SLC2A13: variants seen among roughly 807,000 people sequenced by gnomAD.
SLC2A13 encodes solute carrier family 2 member 13.
Under a neutral mutation model 64.4 loss-of-function variants are expected in SLC2A13, and 32 were observed. The ratio of observed to expected loss-of-function variants is 0.50; its 90% CI spans 0.37 to 0.67. The LOEUF is 0.67. Ranked by LOEUF, SLC2A13 falls within the 30% of genes least tolerant of loss-of-function variation. The pLI is 0.00. For missense variants in SLC2A13, 743 were observed against 829.2 expected, an observed-to-expected ratio of 0.90 and a Z score of 1.28; for synonymous variants, 338 against 327.1, an observed-to-expected ratio of 1.03 and a Z score of -0.36.
intron 7 of SLC2A13, among the ~76,000 whole-genome samples, chr12:39,789,383 C>T (rs1941299045): frequency 6.6e-6 from 1 of 152,022 alleles, no homozygotes; most frequent in African/African-American, 2.4e-5. Context: ...CCTTTAGCTA[C>T]AGTTTATTTT....
chr12:40,077,435 C>T (rs2101144), intron 1 of SLC2A13, among the ~76,000 whole-genome samples: 16,108 of 152,122 alleles, frequency 0.11, 951 homozygotes, highest in East Asian at 0.19. Flanking sequence ...TTGTTATTGT[C>T]GACTTTGTCA....
chr12:39,910,900 T>G (rs974545577), intron 4 of SLC2A13, among the ~76,000 whole-genome samples: 1 of 151,980 alleles, frequency 6.6e-6, no homozygotes, highest in Non-Finnish European at 1.5e-5. Context: ...CTGACCAATA[T>G]GGTGAAACCC....
At chr12:39,788,045 C>T (rs1176632225) in intron 7 of SLC2A13, among the ~76,000 whole-genome samples, 3 of 152,040 alleles carry the variant, frequency 2.0e-5, no homozygotes, top group Non-Finnish European at 2.9e-5. Context: ...ATAATACAAA[C>T]AATATTCTAT....
intron 6 of SLC2A13, among the ~76,000 whole-genome samples, chr12:39,851,390 A>C (rs1943464417): frequency 6.6e-6 from 1 of 152,244 alleles, no homozygotes; most frequent in Non-Finnish European, 1.5e-5. Context: ...AAGAATGAGA[A>C]TTAAAAAATG....
chr12:40,019,271 G>A (rs935762537), intron 3 of SLC2A13, among the ~76,000 whole-genome samples: 5 of 152,136 alleles, frequency 3.3e-5, no homozygotes, highest in African/African-American at 1.2e-4. Context: ...TTTTATAGTT[G>A]TTTGAATGCT....
intron 6 of SLC2A13, among the ~76,000 whole-genome samples, chr12:39,847,099 C>G (rs2135886286): frequency 6.6e-6 from 1 of 152,244 alleles, no homozygotes; most frequent in African/African-American, 2.4e-5. Flanking sequence ...TTCTTGTCAC[C>G]TGCAAAGTTG....
intron 7 of SLC2A13, among the ~76,000 whole-genome samples, chr12:39,795,373 T>C (rs770331410): frequency 1.1e-4 from 17 of 152,184 alleles, no homozygotes; most frequent in Non-Finnish European, 2.4e-4. Context: ...TTTATAATTA[T>C]AGTTATAAAT....
intron 1 of SLC2A13, among the ~76,000 whole-genome samples, chr12:40,069,290 A>T (rs534404379): frequency 3.9e-5 from 6 of 152,166 alleles, no homozygotes; most frequent in African/African-American, 1.4e-4. Context: ...TTCAAAAAAC[A>T]TGTATAGCTT....
chr12:39,763,882 C>T (rs1940252586), intron 9 of SLC2A13, among the ~76,000 whole-genome samples: 1 of 152,090 alleles, frequency 6.6e-6, no homozygotes, highest in South Asian at 2.1e-4. Context: ...TTGAATACTT[C>T]CGTCATGTTT....
In SLC2A13 at chr12:40,048,065, C is replaced by T. The variant is rs561968552; in HGVS notation, c.702G>A (p.Gln234=). ...SVVDGAFSYL[Q]KDGWRYMLGL... is the part of the protein sequence containing the mutation. ...TATTTACAAACCTCCATCCATCCTT[C>T]TGGAGATAACTGAAGGCTCCATCAA... The change falls in exon 2 of 10, where the codon CAG becomes CAA. Residue 234 remains glutamine (Q), a synonymous_variant. Coordinates refer to ENST00000280871, the MANE Select transcript of SLC2A13 (RefSeq NM_052885.4). 1.4e-5 allele frequency: 22 copies of T among 1,607,664 alleles called. No homozygotes were observed. In the South Asian group the frequency reaches 2.2e-4, roughly 16 times the overall value.
At chr12:40,079,255 A>C (rs1053403940) in intron 1 of SLC2A13, among the ~76,000 whole-genome samples, 2 of 152,200 alleles carry the variant, frequency 1.3e-5, no homozygotes, top group Admixed American at 6.5e-5. Flanking sequence ...AGCATTTAGC[A>C]CTATAAACTT....
chr12:39,939,124 C>A (rs912073793), intron 4 of SLC2A13, among the ~76,000 whole-genome samples: 1 of 152,120 alleles, frequency 6.6e-6, no homozygotes, highest in South Asian at 2.1e-4. Context: ...ACTGACATAG[C>A]CTGCTTACCA....
At chr12:40,002,716 G>A (rs1237005038) in intron 3 of SLC2A13, among the ~76,000 whole-genome samples, 2 of 152,140 alleles carry the variant, frequency 1.3e-5, no homozygotes, top group African/African-American at 2.4e-5. Flanking sequence ...AGTCCACTGA[G>A]GAAGGTAAAG....
chr12:39,906,594 T>C (rs1028900709), intron 4 of SLC2A13, among the ~76,000 whole-genome samples: 2 of 152,294 alleles, frequency 1.3e-5, no homozygotes, highest in Middle Eastern at 3.4e-3. Context: ...AAGTTAAACC[T>C]AGTTTTCTGT....
At chr12:39,874,801 A>T (rs773000891) in intron 4 of SLC2A13, among the ~76,000 whole-genome samples, 5 of 152,162 alleles carry the variant, frequency 3.3e-5, no homozygotes. Flanking sequence ...CTATGAAGAC[A>T]TTACTCTGGT....
chr12:39,866,035 AAG>A (rs1346059849), intron 5 of SLC2A13, among the ~76,000 whole-genome samples: 1 of 152,246 alleles, frequency 6.6e-6, no homozygotes, highest in Non-Finnish European at 1.5e-5. Flanking sequence ...AAAGTTAAAA[AAG>A]AGAATATGGC....
intron 5 of SLC2A13, among the ~76,000 whole-genome samples, chr12:39,866,589 C>A (rs1243937992): frequency 2.0e-5 from 3 of 152,104 alleles, no homozygotes; most frequent in Admixed American, 6.5e-5. Context: ...ACGCCATTCT[C>A]CTGCCTCAGC....
At chr12:40,008,432 C>T (rs941972915) in intron 3 of SLC2A13, among the ~76,000 whole-genome samples, 5 of 152,018 alleles carry the variant, frequency 3.3e-5, no homozygotes, top group African/African-American at 1.2e-4. Context: ...ATGATGAAAC[C>T]CCGTCTCTAC....
chr12:39,823,852 T>A (rs1942592406), intron 7 of SLC2A13, among the ~76,000 whole-genome samples: 1 of 152,214 alleles, frequency 6.6e-6, no homozygotes, highest in African/African-American at 2.4e-5. Context: ...TTTTAAATTG[T>A]TTTTTAGTGT....
Sources: allele counts gnomAD v4.1 joint callset (sites outside exome capture counted in the v4.1 genomes callset), GRCh38; gene constraint gnomAD v4.1.1; transcripts MANE v1.5; gene names NCBI Gene and HGNC (gene_info 2026-07-23, HGNC 2026-07-21).